The following IRS2 variants were observed in gnomAD, a reference collection of about 807,000 sequenced individuals.
The protein encoded by IRS2 is insulin receptor substrate 2.
A neutral mutation model predicts 70.9 loss-of-function variants in IRS2; 28 were observed. That is an observed-to-expected ratio of 0.39 (90% CI 0.29 to 0.54). IRS2 has a LOEUF of 0.54. Ranked by LOEUF, IRS2 falls within the 20% of genes least tolerant of loss-of-function variation. The pLI is 0.59. For missense variants in IRS2, 2,081 were observed against 2,024.1 expected (o/e 1.03, Z -0.54); for synonymous variants, 1,217 against 981.9 (o/e 1.24, Z -4.48).
rs771982742 is a variant in IRS2 at position 109,785,537 on chromosome 13, C to T, written c.517G>A (p.Gly173Ser). Residue 173 changes from glycine to serine, a missense_variant, in exon 1 of 2, where the codon GGC becomes AGC. Gly to Ser is a moderately conservative substitution (Grantham distance 56). This residue lies in a region of IRS2 where 320 missense variants were observed against 352.9 expected (regional missense o/e 0.91). Coordinates refer to ENST00000375856, the MANE Select transcript of IRS2 (RefSeq NM_003749.3). The surrounding 1 kb of genome is among the most constrained non-coding windows in gnomAD (Gnocchi z 9.3). ...TCGGCCCCGGCGGCGCCGGCAGAGC[C>T]GCCCAGGGCGCCGGGCAGGGAGGCG... ...CSASLPGALG[G>S]SAGAAGAEDS... 6.4e-7 allele frequency: 1 copy of T among 1,565,094 alleles called. No individual in the cohort carries two copies. The highest frequency in any genetic ancestry group is 8.7e-7 in the Non-Finnish European group (1 of 1,155,576).
Position 109,784,427 on chromosome 13 carries a change from T to C in IRS2, c.1627A>G (p.Met543Val), listed in dbSNP as rs775893235. ...GGGGGEFYGYMTMDRPLSHCG... is the reference protein window; with the variant it reads ...GGGGGEFYGYVTMDRPLSHCG... The stretch of plus-strand genomic sequence containing the variant: ...TGGCTCAGGGGCCTGTCCATGGTCA[T>C]GTACCCGTAGAACTCACCGCCGCCG... Residue 543 changes from methionine (M) to valine (V), a missense_variant, in exon 1 of 2, where the codon ATG (methionine) becomes GTG (valine). Coordinates refer to ENST00000375856, the MANE Select transcript of IRS2 (RefSeq NM_003749.3). This position sits in a 1 kb window ranked among gnomAD's most constrained non-coding sequence, Gnocchi z 5.2. 7.5e-6 allele frequency: 12 copies of C among 1,606,374 alleles called. No homozygotes were observed. Among genetic ancestry groups the C allele is most frequent in the South Asian group, 3.3e-5 (3 of 90,908 alleles).
rs1443489792 is a variant in IRS2, at chr13:109,782,882, C to G, written c.3172G>C (p.Ala1058Pro). 6 of 1,565,110 alleles carry G rather than the reference C, an allele frequency of 3.8e-6. No homozygotes were observed. Among genetic ancestry groups the G allele is most frequent in the Non-Finnish European group, 5.2e-6 (6 of 1,155,556 alleles). ...SAVATAQGPG[A>P]ASSLSSDTGD... ...GTGTCCGAGGACAACGATGAGGCGG[C>G]GCCCGGGCCCTGGGCGGTGGCAACG... Residue 1058 changes from alanine to proline, a missense_variant, in exon 1 of 2, where the codon GCC becomes CCC. By Grantham distance (27) the Ala-to-Pro change is conservative. Coordinates refer to ENST00000375856, the MANE Select transcript of IRS2 (RefSeq NM_003749.3).
chr13:109,767,300 A>C (rs1201930929), intron 1 of IRS2, among the ~76,000 whole-genome samples: 6 of 152,052 alleles, frequency 3.9e-5, no homozygotes, highest in Non-Finnish European at 8.8e-5. Context: ...GGCCACAAAC[A>C]CGTCTTCTGC....
At chr13:109,758,862 A>G (rs928190) in intron 1 of IRS2, among the ~76,000 whole-genome samples, 121,184 of 143,420 alleles carry the variant, frequency 0.84, 51,292 homozygotes, top group Middle Eastern at 0.88. Flanking sequence ...AAAGGGGAAA[A>G]GGAAGGGCAA....
intron 1 of IRS2, among the ~76,000 whole-genome samples, chr13:109,776,577 C>T (rs556459835): frequency 1.3e-5 from 2 of 152,346 alleles, no homozygotes; most frequent in African/African-American, 4.8e-5. Context: ...AAGCATCTTG[C>T]ATTATTTGCA....
In IRS2 at chr13:109,785,496, C is replaced by T. The variant is rs1877891094; in HGVS notation, c.558G>A (p.Leu186=). 1.9e-6 allele frequency: 3 copies of T among 1,611,096 alleles called. No homozygotes were observed. The highest frequency in any genetic ancestry group is 2.5e-6 in the Non-Finnish European group (3 of 1,179,370). The change falls in exon 1 of 2, where the codon CTG becomes CTA. Residue 186 remains leucine, a synonymous_variant. Transcript: ENST00000375856. The surrounding 1 kb of genome is among the most constrained non-coding windows in gnomAD (Gnocchi z 9.3). ...GGTAGGCGGCCGTGGCGGGAGCCAC[C>T]AGCCCGTAGCTGTCCTCGGCCCCGG... ...GAAGAEDSYG[L]VAPATAAYRE...
intron 1 of IRS2, among the ~76,000 whole-genome samples, chr13:109,761,325 T>C (rs986669395): frequency 6.6e-6 from 1 of 152,232 alleles, no homozygotes; most frequent in Non-Finnish European, 1.5e-5. Context: ...CAAATACTGA[T>C]GTACTTGACA....
At chr13:109,768,322 T>C (rs1014151682) in intron 1 of IRS2, among the ~76,000 whole-genome samples, 4 of 152,188 alleles carry the variant, frequency 2.6e-5, no homozygotes, top group African/African-American at 9.7e-5. Context: ...AGGCTACAAA[T>C]AACTGCACAC....
Position 109,785,757 on chromosome 13 carries a change from C to G in IRS2, c.297G>C (p.Leu99=). The change falls in exon 1 of 2, where the codon CTG becomes CTC. Residue 99 remains leucine, a synonymous_variant. Transcript: ENST00000375856. This position sits in a 1 kb window ranked among gnomAD's most constrained non-coding sequence, Gnocchi z 9.3. ...PKRVIALDCC[L]NINKRADAKH... ...TGGCGTCGGCGCGCTTGTTGATGTT[C>G]AGGCAGCAGTCGAGAGCGATCACCC... is the stretch of plus-strand genomic sequence containing the variant. The G allele has an allele frequency of 6.3e-7, 1 of 1,595,354 alleles. No homozygotes were observed. Among genetic ancestry groups the G allele is most frequent in the East Asian group, 2.2e-5 (1 of 44,630 alleles).
At chr13:109,781,819 C>T (rs1877710414) in intron 1 of IRS2, among the ~76,000 whole-genome samples, 1 of 152,192 alleles carries the variant, frequency 6.6e-6, no homozygotes, top group South Asian at 2.1e-4. Flanking sequence ...AGTCTCCCTC[C>T]CACGCGGAAA....
chr13:109,769,973 T>G (rs2138918887), intron 1 of IRS2, among the ~76,000 whole-genome samples: 1 of 152,316 alleles, frequency 6.6e-6, no homozygotes, highest in Admixed American at 6.5e-5. Context: ...AGTTCCTATT[T>G]TTCTTTTTTT....
intron 1 of IRS2, among the ~76,000 whole-genome samples, chr13:109,770,209 T>C (rs1877421679): frequency 6.6e-6 from 1 of 152,194 alleles, no homozygotes; most frequent in South Asian, 2.1e-4. Flanking sequence ...GGGGCTTTCC[T>C]GAACAGGCTA....
At position 109,785,378 on chromosome 13, in the gene IRS2, T is replaced by G. The variant is rs754990594; in HGVS notation, c.676A>C (p.Ile226Leu). 6.2e-7 allele frequency: 1 copy of G among 1,612,448 alleles called. No homozygotes were observed. ...TCGCAGTTGAGCTTCACGAAGCCGA[T>G]GGTGCGCGCAGACAGGCACAGACGG... ...VYRLCLSARTIGFVKLNCEQP... is the reference protein window; with the variant it reads ...VYRLCLSARTLGFVKLNCEQP... Residue 226 changes from isoleucine (I) to leucine (L), a missense_variant, in exon 1 of 2, where the codon ATC becomes CTC. Around this residue, in one of 4 missense-constraint regions of IRS2, gnomAD observed 320 missense variants for 352.9 expected, o/e 0.91. Coordinates refer to ENST00000375856, the MANE Select transcript of IRS2 (RefSeq NM_003749.3). The surrounding 1 kb of genome is among the most constrained non-coding windows in gnomAD (Gnocchi z 9.3).
intron 1 of IRS2, among the ~76,000 whole-genome samples, chr13:109,761,859 C>T (rs80326876): frequency 0.04 from 6,126 of 152,138 alleles, 157 homozygotes; most frequent in Admixed American, 0.054. Flanking sequence ...AAAAAAATTC[C>T]GAATATCAAG....
Position 109,782,112 on chromosome 13 carries a change from C to T in IRS2, c.3942G>A (p.Leu1314=), listed in dbSNP as rs774545293. 1.9e-6 allele frequency: 3 copies of T among 1,611,300 alleles called. No individual in the cohort carries two copies. Among genetic ancestry groups the T allele is most frequent in the East Asian group, 4.5e-5 (2 of 44,826 alleles). ...TGCTGGCGTAGGTGTTGGCAGGGGG[C>T]AGGGCACCGGGACCCGGCCCCCCGC... The part of the protein sequence containing the change: ...GGCGGPGPGA[L]PPANTYASID... The change falls in exon 1 of 2, where the codon CTG becomes CTA. Residue 1314 remains leucine, a synonymous_variant. Transcript: ENST00000375856.
In IRS2 at chr13:109,784,546, T is replaced by C; in HGVS notation, c.1508A>G (p.Tyr503Cys). The C allele has an allele frequency of 6.7e-7, 1 of 1,493,080 alleles. No individual in the cohort carries two copies. Among genetic ancestry groups the C allele is most frequent in the Non-Finnish European group, 8.9e-7 (1 of 1,126,342 alleles). 92.5% of individuals were successfully genotyped at this position (1,493,080 alleles called of 1,614,324 possible). ...SDPGFMSLDE[Y>C]GSSPGDLRAF... ...GCGCAGGTCGCCTGGGCTGGAGCCG[T>C]ACTCGTCCAGGGACATGAAGCCGGG... The change falls in exon 1 of 2, where the codon TAC becomes TGC. Residue 503 changes from tyrosine (Y) to cysteine (C), a missense_variant. Tyr to Cys is a radical substitution (Grantham distance 194). Around this residue, in one of 4 missense-constraint regions of IRS2, gnomAD observed 1,615 missense variants for 1,459.5 expected, o/e 1.11. Coordinates refer to ENST00000375856, the MANE Select transcript of IRS2 (RefSeq NM_003749.3). The surrounding 1 kb of genome is among the most constrained non-coding windows in gnomAD (Gnocchi z 5.2).
In IRS2 at chr13:109,785,963, C is replaced by T. The variant is rs1474364815; in HGVS notation, c.91G>A (p.Val31Met). Residue 31 changes from valine to methionine, a missense_variant, in exon 1 of 2, where the codon GTG (valine) becomes ATG (methionine). Physicochemically the swap from Val to Met is conservative, Grantham distance 21 (BLOSUM62 1). Transcript: ENST00000375856. This position sits in a 1 kb window ranked among gnomAD's most constrained non-coding sequence, Gnocchi z 9.3. ...NNNNNNNNHS[V>M]RKCGYLRKQK... ...TTGCGCAGGTAGCCGCACTTGCGCA[C>T]GCTGTGGTTGTTGTTGTTGTTGTTG... 2 of 1,497,776 alleles carry T rather than the reference C, an allele frequency of 1.3e-6. No individual in the cohort carries two copies. The highest frequency in any genetic ancestry group is 2.5e-5 in the South Asian group (2 of 80,378). 92.8% of individuals were successfully genotyped at this position (1,497,776 alleles called of 1,614,324 possible).
chr13:109,760,230 G>A (rs1468193285), intron 1 of IRS2, among the ~76,000 whole-genome samples: 1 of 152,214 alleles, frequency 6.6e-6, no homozygotes, highest in African/African-American at 2.4e-5. Context: ...TAAGAAGGAA[G>A]AGATTTTCTG....
chr13:109,779,715 A>T (rs921236689), intron 1 of IRS2, among the ~76,000 whole-genome samples: 3 of 152,068 alleles, frequency 2.0e-5, no homozygotes, highest in African/African-American at 7.3e-5. Flanking sequence ...GATTTAAAAG[A>T]TCCTTTTACT....
Sources: gnomAD v4.1 joint callset for allele counts (sites outside exome capture counted in the v4.1 genomes callset) on GRCh38, gnomAD v4.1.1 for gene constraint, gnomAD v4.1.1 regional missense constraint, Gnocchi (gnomAD v3.1) non-coding constraint, MANE v1.5 for transcripts, NCBI Gene and HGNC (gene_info 2026-07-23, HGNC 2026-07-21) for gene names.